The following PALMD variants were observed in gnomAD, a reference collection of about 807,000 sequenced individuals.
The protein encoded by PALMD is palmdelphin.
A neutral mutation model predicts 56.2 loss-of-function variants in PALMD; 42 were observed. The ratio of observed to expected loss-of-function variants is 0.75; its 90% CI spans 0.58 to 0.97. The LOEUF (loss-of-function observed/expected upper bound fraction) is 0.97, where lower values mean the gene tolerates loss of function less well. Among genes scored for constraint, PALMD ranks in the 50% least tolerant of loss-of-function variants. The pLI, the probability that PALMD is intolerant of heterozygous loss-of-function variation, is 0.00. For synonymous variants in PALMD, 242 were observed against 222.9 expected, an observed-to-expected ratio of 1.09 and a Z score of -0.76; for missense variants, 660 against 643.8, an observed-to-expected ratio of 1.03 and a Z score of -0.27.
Position 99,689,005 on chromosome 1 carries a change from A to T in PALMD, c.745A>T (p.Arg249Ter). 6.2e-7 allele frequency: 1 copy of T among 1,613,826 alleles called. No individual in the cohort carries two copies. The highest frequency in any genetic ancestry group is 8.5e-7 in the Non-Finnish European group (1 of 1,179,824). ...GGAACTTCTAAGACAAGCCTCAGAG[A>T]GAAACTCTAAATCCCCAACAGAGTA... ...VEELLRQASE[R>*]NSKSPTEYHE... The change falls in exon 7 of 8, where the codon AGA becomes TGA. Residue 249 changes from arginine to a stop codon, truncating the protein, a stop_gained. Transcript: ENST00000263174. LOFTEE classifies it high-confidence loss of function.
Position 99,683,050 on chromosome 1 carries a change from AAGAAAGAG to A in PALMD, c.252-3622_252-3615del, listed in dbSNP as rs1201069682. 3.2e-3 allele frequency among the ~76,000 whole-genome samples: 49 copies of A among 15,386 alleles called. 4 individuals carry two copies. The highest frequency in any genetic ancestry group is 3.9e-3 in the Non-Finnish European group (37 of 9,574). 10.1% of individuals were successfully genotyped at this position (15,386 alleles called of 152,430 possible). The stretch of plus-strand genomic sequence containing the variant: ...AAAGAAAGAAAGAAAGAAAGAAAGA[AAGAAAGAG>A]AGAGAGAGAGAGAGAGAGAGAGAGA... On this transcript the variant is annotated intron_variant, in intron 3 of 7. Transcript: ENST00000263174.
At chr1:99,647,318 C>G (rs945310194) in intron 1 of PALMD, among the ~76,000 whole-genome samples, 1 of 152,112 alleles carries the variant, frequency 6.6e-6, no homozygotes, top group Admixed American at 6.5e-5. Context: ...GATGCTAGAT[C>G]AGGGATTTTT....
rs190544045 is a variant in PALMD at position 99,688,216 on chromosome 1, C to T, written c.515-559C>T. 2.9e-3 allele frequency among the ~76,000 whole-genome samples: 448 copies of T among 152,198 alleles called. 4 individuals are homozygous for T. The highest frequency in any genetic ancestry group is 6.8e-3 in the Middle Eastern group (2 of 294). Reference sequence around the variant, plus strand: ...GATTGTAGCCTTCTCCCTCCCGTTTCCATCCCAGTTCTACATTTAAACAGC... The same window carrying T: ...GATTGTAGCCTTCTCCCTCCCGTTTTCATCCCAGTTCTACATTTAAACAGC... On this transcript the variant is annotated intron_variant, in intron 6 of 7. Coordinates refer to ENST00000263174, the MANE Select transcript of PALMD (RefSeq NM_017734.5).
intron 1 of PALMD, among the ~76,000 whole-genome samples, chr1:99,655,052 A>T (rs1180256636): frequency 1.3e-5 from 2 of 152,196 alleles, no homozygotes; most frequent in Non-Finnish European, 2.9e-5. Context: ...ATCAATAGTT[A>T]GAGAAACTAT....
chr1:99,653,781 G>C (rs987345143), intron 1 of PALMD, among the ~76,000 whole-genome samples: 2 of 152,100 alleles, frequency 1.3e-5, no homozygotes, highest in Non-Finnish European at 1.5e-5. Flanking sequence ...TCTGTGTTAA[G>C]AGTTCTGACA....
intron 7 of PALMD, among the ~76,000 whole-genome samples, chr1:99,691,733 A>G (rs926940764): frequency 2.0e-5 from 3 of 152,136 alleles, no homozygotes; most frequent in African/African-American, 7.2e-5. Context: ...AACTCCCCCA[A>G]AAAACGCTTA....
intron 2 of PALMD, 36 bp from the exon 3 acceptor site, chr1:99,667,606 A>G: frequency 6.3e-7 from 1 of 1,582,654 alleles, no homozygotes; most frequent in South Asian, 1.1e-5. Flanking sequence ...ATTATTGACC[A>G]ATATAAGAAC....
chr1:99,662,092 T>G (rs1652860338), intron 1 of PALMD, among the ~76,000 whole-genome samples: 3 of 152,198 alleles, frequency 2.0e-5, no homozygotes, highest in Admixed American at 2.0e-4. Context: ...AGAAGGATGT[T>G]TAAGCCCTCT....
intron 1 of PALMD, among the ~76,000 whole-genome samples, chr1:99,649,654 C>T (rs1223798618): frequency 6.6e-6 from 1 of 152,194 alleles, no homozygotes; most frequent in African/African-American, 2.4e-5. Flanking sequence ...ATACTCTTAA[C>T]ATCTCCTCCA....
At chr1:99,668,599 G>A (rs944269643) in intron 3 of PALMD, 26 of 152,124 alleles carry the variant, frequency 1.7e-4, no homozygotes, top group African/African-American at 5.8e-4. Flanking sequence ...TGGAAAGAAG[G>A]TTCTATAGGA....
rs1173272192 is a variant in PALMD at position 99,682,996 on chromosome 1, ACT to A, written c.252-3677_252-3676del. Among the ~76,000 whole-genome samples the A allele has an allele frequency of 9.6e-5, 14 of 146,394 alleles. 1 individual carries two copies. Among genetic ancestry groups the A allele is most frequent in the Non-Finnish European group, 1.8e-4 (12 of 67,016 alleles). On this transcript the variant is annotated intron_variant, in intron 3 of 7. Transcript: ENST00000263174. ...ACTTCAGCCTGGGTGACAGAGCAAG[ACT>A]CTGTCTCCAAAAAGAAAGAAGGAAA...
At chr1:99,688,440 G>T (rs945220998) in intron 6 of PALMD, among the ~76,000 whole-genome samples, 2 of 151,782 alleles carry the variant, frequency 1.3e-5, no homozygotes, top group Non-Finnish European at 1.5e-5. Context: ...TATCCATCTT[G>T]CTGAATTTAT....
At chr1:99,666,159 G>C (rs1652954495) in intron 2 of PALMD, among the ~76,000 whole-genome samples, 1 of 151,914 alleles carries the variant, frequency 6.6e-6, no homozygotes, top group African/African-American at 2.4e-5. Context: ...TCTTCAATTA[G>C]AGCAGTCCAG....
chr1:99,687,594 A>C (rs1234530129), intron 6 of PALMD, among the ~76,000 whole-genome samples: 2 of 152,220 alleles, frequency 1.3e-5, no homozygotes, highest in South Asian at 2.1e-4. Context: ...AAATTGAGTT[A>C]CATAAAACTG....
intron 7 of PALMD, among the ~76,000 whole-genome samples, chr1:99,692,716 T>C (rs889488492): frequency 1.3e-5 from 2 of 152,180 alleles, no homozygotes; most frequent in African/African-American, 4.8e-5. Flanking sequence ...TCACTCCTAC[T>C]CTCTTTTGTT....
At chr1:99,670,827 T>C (rs946199793) in intron 3 of PALMD, among the ~76,000 whole-genome samples, 7 of 152,094 alleles carry the variant, frequency 4.6e-5, no homozygotes, top group African/African-American at 1.7e-4. Flanking sequence ...AAAAATCACA[T>C]TGCCAAAGCA....
rs781639170 is a variant in PALMD, at chr1:99,688,863, C to T, written c.603C>T (p.Asp201=). 1.9e-5 allele frequency: 30 copies of T among 1,613,184 alleles called. No homozygotes were observed. Among genetic ancestry groups the T allele is most frequent in the Non-Finnish European group, 2.5e-5 (30 of 1,179,242 alleles). ...CTTCAATACCTCTGCCATCAGATGACTTTAAAGGTACAGGAATAAAAGTTT... is the reference window on the plus strand; with the variant it reads ...CTTCAATACCTCTGCCATCAGATGATTTTAAAGGTACAGGAATAAAAGTTT... ...VLSSIPLPSD[D]FKGTGIKVYD... is the part of the protein sequence containing the mutation. Residue 201 remains aspartate, a synonymous_variant, in exon 7 of 8, where the codon GAC becomes GAT. Transcript: ENST00000263174.
chr1:99,649,221 T>G (rs1233086045), intron 1 of PALMD, among the ~76,000 whole-genome samples: 1 of 152,190 alleles, frequency 6.6e-6, no homozygotes, highest in South Asian at 2.1e-4. Flanking sequence ...AAAGTACCCC[T>G]TTGCCTAGAA....
At chr1:99,669,749 A>C (rs1258864021) in intron 3 of PALMD, 1 of 152,254 alleles carries the variant, frequency 6.6e-6, no homozygotes, top group Non-Finnish European at 1.5e-5. Context: ...TCTGAGAAGC[A>C]CACGAGCTCC....
Sources: allele counts gnomAD v4.1 joint callset (sites outside exome capture counted in the v4.1 genomes callset), GRCh38; gene constraint gnomAD v4.1.1; transcripts MANE v1.5; gene names NCBI Gene and HGNC (gene_info 2026-07-23, HGNC 2026-07-21).